The following PSMB7 variants were observed in gnomAD, a reference collection of about 807,000 sequenced individuals.
PSMB7 encodes proteasome 20S subunit beta 7.
In PSMB7, 5 loss-of-function variants were observed where a neutral mutation model predicts 28.1. The observed-to-expected ratio is 0.18, with a 90% CI of 0.09 to 0.37. PSMB7 has a LOEUF of 0.37. Among genes scored for constraint, PSMB7 ranks in the 10% least tolerant of loss-of-function variants. PSMB7 has a pLI of 1.00. For missense variants in PSMB7, 275 were observed against 346.2 expected (o/e 0.79, Z 1.63); for synonymous variants, 122 against 123.7 (o/e 0.99, Z 0.09).
At chr9:124,403,494 C>G (rs1425749571) in intron 5 of PSMB7, among the ~76,000 whole-genome samples, 2 of 152,162 alleles carry the variant, frequency 1.3e-5, no homozygotes, top group African/African-American at 2.4e-5. Context: ...CCACTGTACT[C>G]CAGCCTGTGC....
intron 6 of PSMB7, among the ~76,000 whole-genome samples, chr9:124,363,903 C>A (rs1483036742): frequency 6.6e-6 from 1 of 152,148 alleles, no homozygotes; most frequent in Non-Finnish European, 1.5e-5. Context: ...TGCACGGCCA[C>A]AATGGGCTGG....
At chr9:124,403,720 T>C (rs1457832954) in intron 5 of PSMB7, among the ~76,000 whole-genome samples, 3 of 152,086 alleles carry the variant, frequency 2.0e-5, no homozygotes, top group Non-Finnish European at 2.9e-5. Context: ...GGTAAGGAAA[T>C]TGAGGTTCAG....
intron 6 of PSMB7, among the ~76,000 whole-genome samples, chr9:124,375,188 G>A (rs966951975): frequency 1.3e-5 from 2 of 151,994 alleles, no homozygotes; most frequent in Non-Finnish European, 2.9e-5. Flanking sequence ...TTCTGAGACA[G>A]GGTCTCACTC....
At chr9:124,410,002 A>T (rs1028443421) in intron 4 of PSMB7, among the ~76,000 whole-genome samples, 2 of 124,378 alleles carry the variant, frequency 1.6e-5, no homozygotes, top group African/African-American at 6.2e-5. Context: ...GAAAAAAGAG[A>T]ATTTAGAATT....
At chr9:124,397,621 T>C (rs1830855908) in intron 5 of PSMB7, among the ~76,000 whole-genome samples, 1 of 151,860 alleles carries the variant, frequency 6.6e-6, no homozygotes, top group Non-Finnish European at 1.5e-5. Flanking sequence ...GTCAAATCAC[T>C]CAGAAAAAAG....
intron 5 of PSMB7, among the ~76,000 whole-genome samples, chr9:124,399,658 C>T (rs1214370273): frequency 6.6e-6 from 1 of 152,236 alleles, no homozygotes; most frequent in Non-Finnish European, 1.5e-5. Context: ...GACTGCAACA[C>T]TGCAGCCAAG....
At chr9:124,388,539 C>T (rs1830749839) in intron 5 of PSMB7, among the ~76,000 whole-genome samples, 1 of 152,236 alleles carries the variant, frequency 6.6e-6, no homozygotes, top group Non-Finnish European at 1.5e-5. Flanking sequence ...AGCTCCTTGT[C>T]TAGGACTACA....
chr9:124,373,854 A>C (rs1047076223), intron 6 of PSMB7, among the ~76,000 whole-genome samples: 3 of 152,236 alleles, frequency 2.0e-5, no homozygotes, highest in Admixed American at 1.3e-4. Context: ...CAAAAGGTTA[A>C]ACATAGAGTA....
At chr9:124,368,852 A>G (rs1830534124) in intron 6 of PSMB7, among the ~76,000 whole-genome samples, 1 of 152,174 alleles carries the variant, frequency 6.6e-6, no homozygotes, top group Admixed American at 6.5e-5. Flanking sequence ...TGAGTTTTAC[A>G]TCTTACAAAC....
At chr9:124,411,446 A>G (rs919104460) in intron 4 of PSMB7, among the ~76,000 whole-genome samples, 1 of 152,142 alleles carries the variant, frequency 6.6e-6, no homozygotes, top group Admixed American at 6.5e-5. Context: ...CAACCACCCC[A>G]CTAGGGGCAG....
At chr9:124,391,415 C>A (rs901569118) in intron 5 of PSMB7, among the ~76,000 whole-genome samples, 1 of 152,170 alleles carries the variant, frequency 6.6e-6, no homozygotes, top group Non-Finnish European at 1.5e-5. Context: ...GCTATCTTTT[C>A]TTAGCTCCCC....
At chr9:124,359,450 CT>C (rs1405637609) in intron 6 of PSMB7, among the ~76,000 whole-genome samples, 2 of 152,254 alleles carry the variant, frequency 1.3e-5, no homozygotes, top group Non-Finnish European at 2.9e-5. Flanking sequence ...ATGTTCACCC[CT>C]GCCCCCAACC....
At chr9:124,360,377 G>A (rs1830454195) in intron 6 of PSMB7, among the ~76,000 whole-genome samples, 1 of 152,222 alleles carries the variant, frequency 6.6e-6, no homozygotes. Context: ...GAGTGACCTA[G>A]GGCCTGGGCA....
chr9:124,389,569 G>A (rs925888528), intron 5 of PSMB7, among the ~76,000 whole-genome samples: 6 of 151,790 alleles, frequency 4.0e-5, no homozygotes, highest in African/African-American at 1.2e-4. Context: ...TTCAACACCC[G>A]CCACCCCAAC....
intron 6 of PSMB7, chr9:124,383,822 A>G (rs1289775645): frequency 1.3e-5 from 2 of 152,158 alleles, no homozygotes; most frequent in Admixed American, 6.5e-5. Flanking sequence ...ACCATCAAAA[A>G]AGCTTATGTG....
At chr9:124,393,633 C>T (rs1051836493) in intron 5 of PSMB7, among the ~76,000 whole-genome samples, 3 of 152,224 alleles carry the variant, frequency 2.0e-5, no homozygotes, top group Admixed American at 6.5e-5. Context: ...AGAGGAGTTA[C>T]ATTTTACCCT....
rs369825816 is a variant in PSMB7 at position 124,412,431 on chromosome 9, G to C, written c.316C>G (p.Leu106Val). The C allele has an allele frequency of 6.2e-7, 1 of 1,614,162 alleles. No homozygotes were observed. Among genetic ancestry groups the C allele is most frequent in the Non-Finnish European group, 8.5e-7 (1 of 1,180,000 alleles). The change falls in exon 4 of 8, where the codon CTG (leucine) becomes GTG (valine). Residue 106 changes from leucine to valine, a missense_variant. Leu to Val is a conservative substitution (Grantham distance 32, BLOSUM62 1). This residue lies in a region of PSMB7 where 213 missense variants were observed against 302.4 expected (regional missense o/e 0.70). Transcript: ENST00000259457. ...CCAGTGGAGAGGGAGTGGAGCTCCA[G>C]GTTGGAAGAAATGAGCTGGGTTGTC... is the stretch of plus-strand genomic sequence containing the variant. ...DMTTQLISSN[L>V]ELHSLSTGRL...
rs1830481428 is a variant in PSMB7, at chr9:124,363,517, G to C, written c.571-6602C>G. ...TTTTCCGGACTGGGCTGTGTGACAA[G>C]AGCAAAGGTGTCTAGAGTTTGGAGT... On this transcript the variant is annotated intron_variant, in intron 6 of 7. Coordinates refer to ENST00000259457, the MANE Select transcript of PSMB7 (RefSeq NM_002799.4). Among the ~76,000 whole-genome samples, 6 of 152,284 alleles carry C rather than the reference G, an allele frequency of 3.9e-5. No individual in the cohort carries two copies. In the South Asian group the frequency reaches 1.0e-3, roughly 26 times the overall value.
chr9:124,383,495 C>G (rs760203130), intron 6 of PSMB7: 1 of 152,134 alleles, frequency 6.6e-6, no homozygotes, highest in Non-Finnish European at 1.5e-5. Context: ...ATCTTTAATC[C>G]TACTTTCTCT....
Sources: gnomAD v4.1 joint callset for allele counts (sites outside exome capture counted in the v4.1 genomes callset) on GRCh38, gnomAD v4.1.1 for gene constraint, gnomAD v4.1.1 regional missense constraint, MANE v1.5 for transcripts, NCBI Gene and HGNC (gene_info 2026-07-23, HGNC 2026-07-21) for gene names.